Variants in GPC5 observed in about 807,000 individuals in gnomAD.
The protein encoded by GPC5 is glypican 5, also known as glypican-5.
In GPC5, 47 loss-of-function variants were observed where a neutral mutation model predicts 53.9. That is an observed-to-expected ratio of 0.87 (90% CI 0.69 to 1.11). The LOEUF (loss-of-function observed/expected upper bound fraction) is 1.11. Ranked by LOEUF, GPC5 falls within the 50% of genes most tolerant of loss-of-function variation. The pLI is 0.00. For synonymous variants in GPC5, 286 were observed against 263.3 expected, an observed-to-expected ratio of 1.09 and a Z score of -0.84; for missense variants, 748 against 713.1, an observed-to-expected ratio of 1.05 and a Z score of -0.56.
At chr13:92,317,222 G>A (rs2043185194) in intron 7 of GPC5, among the ~76,000 whole-genome samples, 1 of 152,134 alleles carries the variant, frequency 6.6e-6, no homozygotes, top group African/African-American at 2.4e-5. Flanking sequence ...TCATCATCAT[G>A]ATAGATAGTG....
intron 7 of GPC5, among the ~76,000 whole-genome samples, chr13:92,246,951 T>G (rs192696124): frequency 6.6e-6 from 1 of 152,218 alleles, no homozygotes; most frequent in East Asian, 1.9e-4. Flanking sequence ...CAGGTATTCT[T>G]GTGTAGTAGA....
At chr13:92,287,231 T>C (rs773775292) in intron 7 of GPC5, among the ~76,000 whole-genome samples, 3 of 152,226 alleles carry the variant, frequency 2.0e-5, no homozygotes, top group Non-Finnish European at 2.9e-5. Flanking sequence ...GTACTTTGTA[T>C]AGTTTCTGTC....
At chr13:92,682,597 GA>G (rs1340019331) in intron 7 of GPC5, among the ~76,000 whole-genome samples, 1 of 152,060 alleles carries the variant, frequency 6.6e-6, no homozygotes, top group East Asian at 1.9e-4. Flanking sequence ...GCAAAACACA[GA>G]AAAAGACTTG....
chr13:92,353,292 GTATCAGTGGGAGACTTGATGAAGTAAC>G (rs2043496197), intron 7 of GPC5, among the ~76,000 whole-genome samples: 1 of 134,928 alleles, frequency 7.4e-6, no homozygotes, highest in Non-Finnish European at 1.6e-5. Context: ...AAAGAAATGT[GTATCAGTGGGAGACTTGATGAAGTAAC>G]TGCCAGATAG....
At chr13:91,848,296 G>T (rs573025672) in intron 5 of GPC5, among the ~76,000 whole-genome samples, 2 of 152,350 alleles carry the variant, frequency 1.3e-5, no homozygotes, top group Admixed American at 6.5e-5. Flanking sequence ...CTGGCCTACA[G>T]TTGGTTTATT....
intron 7 of GPC5, among the ~76,000 whole-genome samples, chr13:92,835,332 C>A (rs1181907293): frequency 2.0e-5 from 3 of 151,912 alleles, no homozygotes; most frequent in African/African-American, 7.2e-5. Context: ...TTACTACTTA[C>A]CTTCCTTCAC....
rs533247035 is a variant in GPC5 at position 92,435,009 on chromosome 13, G to A, written c.1561+290020G>A. 2.8e-3 allele frequency among the ~76,000 whole-genome samples: 424 copies of A among 152,302 alleles called. 1 individual carries two copies. Among genetic ancestry groups the A allele is most frequent in the African/African-American group, 9.6e-3 (399 of 41,568 alleles). On this transcript the variant is annotated intron_variant, in intron 7 of 7. Coordinates refer to ENST00000377067, the MANE Select transcript of GPC5 (RefSeq NM_004466.6). The stretch of plus-strand genomic sequence containing the variant: ...AGCTCACTGAAACCTCTGCCTCCCT[G>A]GTTCAAGCGATTCTTCTGTCTCATC...
intron 5 of GPC5, among the ~76,000 whole-genome samples, chr13:91,860,879 G>A (rs2039020397): frequency 6.6e-6 from 1 of 152,166 alleles, no homozygotes. Flanking sequence ...ATTGTGAATA[G>A]TGCTGCAATA....
intron 5 of GPC5, among the ~76,000 whole-genome samples, chr13:91,882,511 TATAA>T (rs1048499711): frequency 6.6e-6 from 1 of 151,838 alleles, no homozygotes; most frequent in African/African-American, 2.4e-5. Context: ...TCAATGATGT[TATAA>T]ATAGTCTTTG....
intron 7 of GPC5, among the ~76,000 whole-genome samples, chr13:92,642,466 C>T (rs897162582): frequency 2.0e-5 from 3 of 152,150 alleles, no homozygotes; most frequent in African/African-American, 4.8e-5. Flanking sequence ...CATGGTAGTC[C>T]ATTGGTGTCT....
intron 7 of GPC5, among the ~76,000 whole-genome samples, chr13:92,631,668 G>T (rs1885244106): frequency 6.6e-6 from 1 of 152,058 alleles, no homozygotes; most frequent in Non-Finnish European, 1.5e-5. Context: ...ATAAAAATAT[G>T]GTTGAGTTTC....
In GPC5 at chr13:92,191,495, T is replaced by C. The variant is rs193031174; in HGVS notation, c.1561+46506T>C. Among the ~76,000 whole-genome samples the C allele has an allele frequency of 1.0e-3, 153 of 152,300 alleles. 1 individual carries two copies. Among genetic ancestry groups the C allele is most frequent in the African/African-American group, 3.6e-3 (150 of 41,586 alleles). ...GTTTCTTAGAAAATTAAACATACTC[T>C]TACCATATGTTCCATCAATTGCACT... On this transcript the variant is annotated intron_variant, in intron 7 of 7. Transcript: ENST00000377067.
intron 6 of GPC5, among the ~76,000 whole-genome samples, chr13:91,999,630 C>G (rs1365962827): frequency 1.3e-5 from 2 of 152,132 alleles, no homozygotes; most frequent in East Asian, 1.9e-4. Context: ...AATAAATAGT[C>G]ATTCTCTTTT....
intron 7 of GPC5, among the ~76,000 whole-genome samples, chr13:92,670,774 T>C (rs1249652190): frequency 1.3e-5 from 2 of 152,158 alleles, no homozygotes; most frequent in Non-Finnish European, 2.9e-5. Flanking sequence ...CTTTAGCCTT[T>C]TTCTTTTTCT....
intron 7 of GPC5, among the ~76,000 whole-genome samples, chr13:92,301,269 C>A (rs1246312963): frequency 1.3e-5 from 2 of 152,064 alleles, no homozygotes; most frequent in Admixed American, 1.3e-4. Context: ...GAATAGTGGG[C>A]TAACATTCTT....
chr13:92,556,396 C>CTT (rs1261365967), intron 7 of GPC5, among the ~76,000 whole-genome samples: 3 of 151,420 alleles, frequency 2.0e-5, no homozygotes, highest in Non-Finnish European at 2.9e-5. Context: ...GAGTACTAGT[C>CTT]TTTTCTATAT....
chr13:91,968,067 T>G (rs2040197434), intron 6 of GPC5, among the ~76,000 whole-genome samples: 1 of 152,140 alleles, frequency 6.6e-6, no homozygotes, highest in South Asian at 2.1e-4. Flanking sequence ...TAACTTTCAT[T>G]TGCTGTATTT....
At chr13:92,486,827 G>C (rs1321628109) in intron 7 of GPC5, among the ~76,000 whole-genome samples, 1 of 151,682 alleles carries the variant, frequency 6.6e-6, no homozygotes, top group African/African-American at 2.4e-5. Context: ...CATGTGGCTA[G>C]TGGCTACTGG....
chr13:91,665,507 T>TTTTTTTTTTTTC (rs2035089049), intron 2 of GPC5, among the ~76,000 whole-genome samples: 1 of 145,598 alleles, frequency 6.9e-6, no homozygotes, highest in Admixed American at 6.7e-5. Context: ...AAGCCAGTCT[T>TTTTTTTTTTTTC]TTTTTTTTCT....
Sources: allele counts gnomAD v4.1 joint callset (sites outside exome capture counted in the v4.1 genomes callset), GRCh38; gene constraint gnomAD v4.1.1; transcripts MANE v1.5; gene names NCBI Gene and HGNC (gene_info 2026-07-23, HGNC 2026-07-21).